The following COMMD1 variants were observed in gnomAD, a reference collection of about 807,000 sequenced individuals.
COMMD1 encodes the protein COMM domain-containing protein 1.
Under a neutral mutation model 17.2 loss-of-function variants are expected in COMMD1, and 10 were observed. The ratio of observed to expected loss-of-function variants is 0.58; its 90% CI spans 0.36 to 0.99. The LOEUF is 0.99. Among genes scored for constraint, COMMD1 ranks in the 50% least tolerant of loss-of-function variants. The pLI is 0.01. For synonymous variants in COMMD1, 97 were observed against 91.6 expected (o/e 1.06, Z -0.34); for missense variants, 270 against 231.8 (o/e 1.17, Z -1.07).
chr2:61,995,145 T>C (rs766004085), intron 1 of COMMD1, among the ~76,000 whole-genome samples: 22 of 152,286 alleles, frequency 1.4e-4, no homozygotes, highest in Middle Eastern at 3.4e-3. Flanking sequence ...AGGGTTTTGC[T>C]GTGTTTTCCA....
chr2:61,987,918 C>T (rs1463555189), intron 1 of COMMD1, among the ~76,000 whole-genome samples: 2 of 152,216 alleles, frequency 1.3e-5, no homozygotes, highest in Non-Finnish European at 2.9e-5. Flanking sequence ...TCCTCCCCTT[C>T]TCCCAGGCAG....
chr2:61,917,998 T>A (rs1670093271), intron 1 of COMMD1, among the ~76,000 whole-genome samples: 1 of 152,222 alleles, frequency 6.6e-6, no homozygotes, highest in African/African-American at 2.4e-5. Flanking sequence ...TCTGTCTACA[T>A]CCTTAACTAT....
intron 2 of COMMD1, among the ~76,000 whole-genome samples, chr2:62,114,809 A>G (rs1672544603): frequency 6.6e-6 from 1 of 152,340 alleles, no homozygotes. Context: ...ATGCATGTGT[A>G]CAAGGCAGCA....
chr2:61,899,580 C>T (rs1669616961), intron 1 of COMMD1, among the ~76,000 whole-genome samples: 1 of 152,118 alleles, frequency 6.6e-6, no homozygotes, highest in African/African-American at 2.4e-5. Context: ...GCCAAAAAAC[C>T]CTAAGAGGGC....
intron 1 of COMMD1, chr2:61,928,564 A>C (rs1406038485): frequency 6.6e-6 from 1 of 152,256 alleles, no homozygotes; most frequent in Non-Finnish European, 1.5e-5. Context: ...TCAGGAATAC[A>C]ACCTTTATAG....
intron 2 of COMMD1, among the ~76,000 whole-genome samples, chr2:62,093,593 G>A (rs1215962190): frequency 1.3e-5 from 2 of 152,138 alleles, no homozygotes; most frequent in East Asian, 1.9e-4. Context: ...GTATTTGTAG[G>A]ACGAAAGGTA....
intron 1 of COMMD1, among the ~76,000 whole-genome samples, chr2:61,987,323 C>T (rs1233350066): frequency 6.6e-6 from 1 of 152,078 alleles, no homozygotes; most frequent in African/African-American, 2.4e-5. Flanking sequence ...TGTTTTTACT[C>T]ATCCTCTTTG....
chr2:61,905,586 C>A (rs775092266), upstream of COMMD1: 134 of 1,308,064 alleles, frequency 1.0e-4, no homozygotes, highest in Non-Finnish European at 1.3e-4. Flanking sequence ...CCCCGAGGTT[C>A]CCCGTGGTGG....
intron 1 of COMMD1, among the ~76,000 whole-genome samples, chr2:61,962,521 A>C (rs1471672624): frequency 6.6e-6 from 1 of 152,208 alleles, no homozygotes; most frequent in Non-Finnish European, 1.5e-5. Flanking sequence ...TCACCCATGC[A>C]GTATCACCCT....
intron 2 of COMMD1, among the ~76,000 whole-genome samples, chr2:62,073,104 G>A (rs1286455786): frequency 6.6e-6 from 1 of 152,208 alleles, no homozygotes; most frequent in Non-Finnish European, 1.5e-5. Flanking sequence ...CCACCCAGCA[G>A]CACAGACAGG....
chr2:61,888,733 G>C (rs1260205359), exon 1 of COMMD1: 1 of 539,478 alleles, frequency 1.9e-6, no homozygotes. Flanking sequence ...GGATGCGTGC[G>C]GTGGGCTCCG....
chr2:62,089,107 A>G (rs1406367931), intron 2 of COMMD1, among the ~76,000 whole-genome samples: 4 of 152,138 alleles, frequency 2.6e-5, no homozygotes, highest in South Asian at 2.1e-4. Context: ...GCTCTTAGAG[A>G]CAATAGATGA....
At chr2:61,969,608 C>T (rs906900437) in intron 1 of COMMD1, among the ~76,000 whole-genome samples, 6 of 152,096 alleles carry the variant, frequency 3.9e-5, no homozygotes, top group East Asian at 1.9e-4. Flanking sequence ...GTTGTTAGTT[C>T]TTGGTAGCTT....
chr2:62,029,976 A>G (rs971289114), intron 2 of COMMD1, among the ~76,000 whole-genome samples: 2 of 152,256 alleles, frequency 1.3e-5, no homozygotes, highest in Non-Finnish European at 2.9e-5. Context: ...AGATATAGGG[A>G]AATTGTTCAT....
chr2:62,014,125 G>A (rs1669366030), intron 2 of COMMD1, among the ~76,000 whole-genome samples: 2 of 152,192 alleles, frequency 1.3e-5, no homozygotes, highest in East Asian at 1.9e-4. Context: ...GACCCTGTGA[G>A]AATAGGGCTT....
chr2:62,129,055 A>G (rs1390293309), intron 2 of COMMD1, among the ~76,000 whole-genome samples: 1 of 152,036 alleles, frequency 6.6e-6, no homozygotes, highest in Non-Finnish European at 1.5e-5. Flanking sequence ...CTTCTTACCA[A>G]CCTAGGCATG....
intron 2 of COMMD1, among the ~76,000 whole-genome samples, chr2:62,041,807 G>C (rs182292533): frequency 3.3e-5 from 5 of 152,174 alleles, no homozygotes; most frequent in Non-Finnish European, 5.9e-5. Context: ...TCTTCCTTCC[G>C]GTGGGTTCGT....
intron 2 of COMMD1, among the ~76,000 whole-genome samples, chr2:62,081,579 C>T (rs1671522381): frequency 6.6e-6 from 1 of 151,848 alleles, no homozygotes; most frequent in African/African-American, 2.4e-5. Flanking sequence ...AAATGATATC[C>T]CTTGTTGCTT....
chr2:61,915,292 C>T (rs1455097329), intron 1 of COMMD1, among the ~76,000 whole-genome samples: 2 of 152,124 alleles, frequency 1.3e-5, no homozygotes, highest in Admixed American at 1.3e-4. Flanking sequence ...ATGCGTGAGC[C>T]ACTGCACCCA....
Sources: gnomAD v4.1 joint callset for allele counts (sites outside exome capture counted in the v4.1 genomes callset) on GRCh38, gnomAD v4.1.1 for gene constraint, MANE v1.5 for transcripts, NCBI Gene and HGNC (gene_info 2026-07-23, HGNC 2026-07-21) for gene names.